The following DTD1 variants were observed in gnomAD, a reference collection of about 807,000 sequenced individuals.
The protein encoded by DTD1 is D-aminoacyl-tRNA deacylase 1, also known as D-tyrosyl-tRNA deacylase 1 homolog.
Under a neutral mutation model 25.6 loss-of-function variants are expected in DTD1, and 13 were observed. That is an observed-to-expected ratio of 0.51 (90% CI 0.33 to 0.81). The LOEUF (loss-of-function observed/expected upper bound fraction) is 0.81. DTD1 is among the 30% of genes least tolerant of loss of function. The pLI is 0.02. For missense variants in DTD1, 193 were observed against 266.4 expected, an observed-to-expected ratio of 0.72 and a Z score of 1.92; for synonymous variants, 110 against 103.6, an observed-to-expected ratio of 1.06 and a Z score of -0.37.
intron 3 of DTD1, among the ~76,000 whole-genome samples, chr20:18,611,566 G>A (rs2060686638): frequency 6.6e-6 from 1 of 151,890 alleles, no homozygotes; most frequent in Admixed American, 6.6e-5. Context: ...CTTATTTGTT[G>A]TTAGTGACAG....
intron 4 of DTD1, chr20:18,678,919 C>G (rs2060986308): frequency 6.6e-6 from 1 of 152,238 alleles, no homozygotes; most frequent in Non-Finnish European, 1.5e-5. Flanking sequence ...CCTCACTCTT[C>G]TGGGCCTTGG....
In DTD1 at chr20:18,651,239, C is replaced by T. The variant is rs1183396613; in HGVS notation, c.477+23006C>T. Among the ~76,000 whole-genome samples the T allele has an allele frequency of 3.3e-5, 5 of 152,302 alleles. No homozygotes were observed. The South Asian group carries it at 1.0e-3, about 32-fold the overall frequency. ...TGATCTTGGCTCACTGCAACCTCTGCCTCCCGGGTTCAAGTGATTCTCCTG... is the reference window on the plus strand; with the variant it reads ...TGATCTTGGCTCACTGCAACCTCTGTCTCCCGGGTTCAAGTGATTCTCCTG... On this transcript the variant is annotated intron_variant, in intron 4 of 5. Coordinates refer to ENST00000377452, the MANE Select transcript of DTD1 (RefSeq NM_080820.6).
chr20:18,600,423 T>C (rs138056300), intron 3 of DTD1, among the ~76,000 whole-genome samples: 46 of 152,342 alleles, frequency 3.0e-4, no homozygotes, highest in African/African-American at 1.1e-3. Flanking sequence ...TTTATCAGGG[T>C]CGAATTCTGG....
chr20:18,626,091 A>G (rs779048002), intron 3 of DTD1, among the ~76,000 whole-genome samples: 4 of 152,232 alleles, frequency 2.6e-5, no homozygotes. Flanking sequence ...ATTTGCGCAT[A>G]TACTACCATG....
chr20:18,614,104 C>G (rs1057005988), intron 3 of DTD1, among the ~76,000 whole-genome samples: 2 of 152,142 alleles, frequency 1.3e-5, no homozygotes, highest in Non-Finnish European at 2.9e-5. Context: ...TGCACCCAGC[C>G]TATTTTTCTT....
At chr20:18,739,706 A>C (rs2061269622) in intron 4 of DTD1, among the ~76,000 whole-genome samples, 3 of 152,066 alleles carry the variant, frequency 2.0e-5, no homozygotes, top group African/African-American at 7.2e-5. Context: ...CATATGCAGT[A>C]CCAGTTTCTT....
chr20:18,654,952 T>C (rs2060886514), intron 4 of DTD1, among the ~76,000 whole-genome samples: 1 of 152,242 alleles, frequency 6.6e-6, no homozygotes, highest in Non-Finnish European at 1.5e-5. Flanking sequence ...GAGATTACAT[T>C]ATTTTAGAAA....
At chr20:18,611,741 A>C (rs1295887680) in intron 3 of DTD1, among the ~76,000 whole-genome samples, 1 of 152,032 alleles carries the variant, frequency 6.6e-6, no homozygotes, top group Non-Finnish European at 1.5e-5. Context: ...CTGTTGTTTT[A>C]TGGCCCGCTT....
intron 4 of DTD1, among the ~76,000 whole-genome samples, chr20:18,743,456 G>A (rs1166333592): frequency 6.6e-6 from 1 of 152,156 alleles, no homozygotes; most frequent in African/African-American, 2.4e-5. Context: ...CACTTTGGGA[G>A]GCCGAGGTGG....
chr20:18,609,942 T>G (rs776767603), intron 3 of DTD1, among the ~76,000 whole-genome samples: 1 of 152,208 alleles, frequency 6.6e-6, no homozygotes, highest in Non-Finnish European at 1.5e-5. Flanking sequence ...AGTAATTAAG[T>G]CAAATCCTCT....
At chr20:18,708,194 A>T (rs6112075) in intron 4 of DTD1, among the ~76,000 whole-genome samples, 1 of 58,606 alleles carries the variant, frequency 1.7e-5, no homozygotes, top group African/African-American at 6.9e-5. Context: ...TTATATATAT[A>T]TTATATATAT....
chr20:18,735,494 C>A (rs2061251857), intron 4 of DTD1, among the ~76,000 whole-genome samples: 1 of 152,214 alleles, frequency 6.6e-6, no homozygotes, highest in East Asian at 1.9e-4. Context: ...TTTAACTGAC[C>A]TCATCTCTAT....
chr20:18,649,021 C>CAAAAAAAAAAAAAA (rs2060862261), intron 4 of DTD1, among the ~76,000 whole-genome samples: 1 of 102,630 alleles, frequency 9.7e-6, no homozygotes. Flanking sequence ...AAAAAAAAAG[C>CAAAAAAAAAAAAAA]AAATTTAACT....
chr20:18,638,465 G>A (rs1415205201), intron 4 of DTD1, among the ~76,000 whole-genome samples: 2 of 152,276 alleles, frequency 1.3e-5, no homozygotes, highest in East Asian at 3.9e-4. Context: ...AGTCCCCTTA[G>A]GTGCAAGCGC....
chr20:18,618,625 A>C lies in DTD1; in HGVS notation c.371-9502A>C, dbSNP rs552069337. Among the ~76,000 whole-genome samples, 12 of 150,462 alleles carry C rather than the reference A, an allele frequency of 8.0e-5. No homozygotes were observed. In the South Asian group the frequency reaches 1.9e-3, roughly 24 times the overall value. ...TACATATGTGTGTGTATATATGTAT[A>C]TGTATATATAATTATACACATATAT... is the stretch of plus-strand genomic sequence containing the variant. On this transcript the variant is annotated intron_variant, in intron 3 of 5. Transcript: ENST00000377452.
At chr20:18,756,556 T>G (rs6075418) in intron 5 of DTD1, among the ~76,000 whole-genome samples, 37,725 of 152,118 alleles carry the variant, frequency 0.25, 4,991 homozygotes, top group Middle Eastern at 0.35. Context: ...TTTTTGTCAG[T>G]TTTGTCAAAG....
At chr20:18,638,606 T>C (rs971544221) in intron 4 of DTD1, among the ~76,000 whole-genome samples, 40 of 151,946 alleles carry the variant, frequency 2.6e-4, no homozygotes, top group African/African-American at 8.0e-4. Flanking sequence ...GCTTGGAGGG[T>C]GACAGGGAGA....
At chr20:18,714,560 G>A (rs1424185978) in intron 4 of DTD1, among the ~76,000 whole-genome samples, 3 of 152,132 alleles carry the variant, frequency 2.0e-5, no homozygotes, top group African/African-American at 4.8e-5. Context: ...TCCTGTGCAC[G>A]TAGGCTTCTG....
chr20:18,699,007 C>G (rs1458143723), intron 4 of DTD1, among the ~76,000 whole-genome samples: 2 of 152,088 alleles, frequency 1.3e-5, no homozygotes, highest in African/African-American at 4.8e-5. Flanking sequence ...GTTGGTGTTT[C>G]CTATGTCCTC....
Sources: gnomAD v4.1 joint callset for allele counts (sites outside exome capture counted in the v4.1 genomes callset) on GRCh38, gnomAD v4.1.1 for gene constraint, MANE v1.5 for transcripts, NCBI Gene and HGNC (gene_info 2026-07-23, HGNC 2026-07-21) for gene names.